HS3ST5: variants seen among roughly 807,000 people sequenced by gnomAD.
The protein encoded by HS3ST5 is heparan sulfate-glucosamine 3-sulfotransferase 5.
HS3ST5 carries 10 observed loss-of-function variants against 25.4 expected under a neutral mutation model. The observed-to-expected ratio is 0.39, with a 90% CI of 0.24 to 0.67. The LOEUF is 0.67. Ranked by LOEUF, HS3ST5 falls within the 30% of genes least tolerant of loss-of-function variation. The pLI is 0.44. For synonymous variants in HS3ST5, 170 were observed against 162.4 expected, an observed-to-expected ratio of 1.05 and a Z score of -0.36; for missense variants, 324 against 420.7, an observed-to-expected ratio of 0.77 and a Z score of 2.01.
chr6:114,154,622 A>G (rs1276228255), intron 3 of HS3ST5, among the ~76,000 whole-genome samples: 6 of 152,096 alleles, frequency 3.9e-5, no homozygotes, highest in Non-Finnish European at 8.8e-5. Context: ...AGACTACTGC[A>G]CCCCATCACA....
At chr6:114,172,286 C>T (rs995167979) in intron 2 of HS3ST5, among the ~76,000 whole-genome samples, 1 of 152,178 alleles carries the variant, frequency 6.6e-6, no homozygotes, top group Non-Finnish European at 1.5e-5. Flanking sequence ...TTCCAATGAA[C>T]GATATCCCCG....
chr6:114,242,859 CA>C (rs376265869), intron 1 of HS3ST5, among the ~76,000 whole-genome samples: 203 of 110,848 alleles, frequency 1.8e-3, no homozygotes, highest in African/African-American at 3.2e-3. Flanking sequence ...GACTCCGTCT[CA>C]AAAAAAAAAA....
chr6:114,216,120 C>T (rs1781748836), intron 2 of HS3ST5, among the ~76,000 whole-genome samples: 2 of 152,190 alleles, frequency 1.3e-5, no homozygotes. Flanking sequence ...AAAGAGGAAA[C>T]ATGCCTAGTA....
chr6:114,173,203 T>G (rs1779551676), intron 2 of HS3ST5, among the ~76,000 whole-genome samples: 1 of 152,246 alleles, frequency 6.6e-6, no homozygotes, highest in African/African-American at 2.4e-5. Flanking sequence ...TTAACAACTT[T>G]TGACAAGCAT....
intron 1 of HS3ST5, among the ~76,000 whole-genome samples, 170 bp from the exon 2 acceptor site, chr6:114,228,948 A>G (rs1408975435): frequency 6.6e-6 from 1 of 152,250 alleles, no homozygotes. Flanking sequence ...TCAGAATTAC[A>G]TGATGCTGCC....
intron 3 of HS3ST5, among the ~76,000 whole-genome samples, chr6:114,077,677 A>G (rs1774218421): frequency 6.6e-6 from 1 of 152,100 alleles, no homozygotes; most frequent in African/African-American, 2.4e-5. Context: ...TATTAGTTCT[A>G]TTTGTCATAT....
At chr6:114,250,653 A>C (rs928468899) in intron 1 of HS3ST5, among the ~76,000 whole-genome samples, 1 of 152,254 alleles carries the variant, frequency 6.6e-6, no homozygotes, top group African/African-American at 2.4e-5. Context: ...AATATACTGC[A>C]AACTTTGACC....
chr6:114,298,803 T>C (rs1774939817), intron 1 of HS3ST5, among the ~76,000 whole-genome samples: 3 of 152,180 alleles, frequency 2.0e-5, no homozygotes, highest in African/African-American at 7.2e-5. Context: ...CGTGGACACT[T>C]ATCACTTCCC....
At chr6:114,107,567 A>G (rs1306988516) in intron 3 of HS3ST5, among the ~76,000 whole-genome samples, 1 of 152,204 alleles carries the variant, frequency 6.6e-6, no homozygotes, top group Non-Finnish European at 1.5e-5. Flanking sequence ...CAGATTGGAT[A>G]GGGAGTGGTA....
At chr6:114,246,969 T>G (rs2114609977) in intron 1 of HS3ST5, among the ~76,000 whole-genome samples, 1 of 152,306 alleles carries the variant, frequency 6.6e-6, no homozygotes. Flanking sequence ...TTTATTACGG[T>G]AACAGGAAAA....
chr6:114,162,293 G>A (rs1036737974), intron 3 of HS3ST5, among the ~76,000 whole-genome samples: 2 of 152,038 alleles, frequency 1.3e-5, no homozygotes, highest in Non-Finnish European at 2.9e-5. Context: ...AACTATAAAA[G>A]TTTCCAAATA....
chr6:114,192,620 A>T (rs533535471), intron 2 of HS3ST5, among the ~76,000 whole-genome samples: 1 of 152,190 alleles, frequency 6.6e-6, no homozygotes, highest in Non-Finnish European at 1.5e-5. Context: ...CTGTAATTCT[A>T]AAGTGTCAAT....
chr6:114,058,637 A>G (rs1772915287), intron 4 of HS3ST5: 2 of 156,546 alleles, frequency 1.3e-5, no homozygotes, highest in Admixed American at 6.2e-5. Flanking sequence ...GCAGCTCGGC[A>G]GCACTCAGAT....
intron 3 of HS3ST5, among the ~76,000 whole-genome samples, chr6:114,141,817 T>G (rs1227713802): frequency 1.3e-5 from 2 of 151,848 alleles, no homozygotes; most frequent in Non-Finnish European, 2.9e-5. Flanking sequence ...TCTCAGCATC[T>G]TGCCACTTTG....
At chr6:114,165,849 T>C (rs1284795050) in intron 3 of HS3ST5, among the ~76,000 whole-genome samples, 1 of 152,064 alleles carries the variant, frequency 6.6e-6, no homozygotes, top group Non-Finnish European at 1.5e-5. Context: ...GCCTACTTCA[T>C]AGAGTTATTT....
chr6:114,196,141 C>T (rs1780741095), intron 2 of HS3ST5, among the ~76,000 whole-genome samples: 1 of 152,184 alleles, frequency 6.6e-6, no homozygotes, highest in Admixed American at 6.5e-5. Flanking sequence ...TAAACTTTCG[C>T]TCCAACCTCA....
At chr6:114,280,624 TAAAG>T (rs1201736954) in intron 1 of HS3ST5, among the ~76,000 whole-genome samples, 1 of 152,054 alleles carries the variant, frequency 6.6e-6, no homozygotes, top group African/African-American at 2.4e-5. Context: ...ATGGTGTATT[TAAAG>T]TTGATTTCAG....
intron 1 of HS3ST5, among the ~76,000 whole-genome samples, chr6:114,248,219 T>C (rs2013199): frequency 9.5e-6 from 1 of 105,070 alleles, no homozygotes; most frequent in Admixed American, 9.6e-5. Flanking sequence ...AAAAAAAAAA[T>C]ATATATATAT....
At chr6:114,209,273 A>C (rs2114421344) in intron 2 of HS3ST5, among the ~76,000 whole-genome samples, 1 of 151,898 alleles carries the variant, frequency 6.6e-6, no homozygotes, top group South Asian at 2.1e-4. Flanking sequence ...TTTGTTTTGG[A>C]AATTACTAAT....
Sources: allele counts gnomAD v4.1 joint callset (sites outside exome capture counted in the v4.1 genomes callset), GRCh38; gene constraint gnomAD v4.1.1; transcripts MANE v1.5; gene names NCBI Gene and HGNC (gene_info 2026-07-23, HGNC 2026-07-21).